The following MYO5C variants were observed in gnomAD, a reference collection of about 807,000 sequenced individuals.
The protein encoded by MYO5C is myosin VC, also known as unconventional myosin-Vc.
In MYO5C, 194 loss-of-function variants were observed where a neutral mutation model predicts 235.7. The observed-to-expected ratio is 0.82, with a 90% CI of 0.73 to 0.93. MYO5C has a LOEUF of 0.93. Among genes scored for constraint, MYO5C ranks in the 40% least tolerant of loss-of-function variants. MYO5C has a pLI of 0.00. For missense variants in MYO5C, 2,038 were observed against 2,127.2 expected (o/e 0.96, Z 0.82); for synonymous variants, 707 against 754.8 (o/e 0.94, Z 1.04).
chr15:52,266,412 G>A (rs1236710951), intron 8 of MYO5C, among the ~76,000 whole-genome samples: 1 of 152,186 alleles, frequency 6.6e-6, no homozygotes, highest in Admixed American at 6.5e-5. Context: ...CACAGCAGAA[G>A]AGCAGAAGAA....
chr15:52,250,232 TTTTC>T (rs1186685239), intron 13 of MYO5C, among the ~76,000 whole-genome samples: 6 of 109,960 alleles, frequency 5.5e-5, no homozygotes, highest in Non-Finnish European at 6.8e-5. Flanking sequence ...TATCTTTTTT[TTTTC>T]TTTTTCTTTT....
intron 21 of MYO5C, among the ~76,000 whole-genome samples, chr15:52,238,635 C>A (rs1024679769): frequency 6.6e-6 from 1 of 152,124 alleles, no homozygotes; most frequent in African/African-American, 2.4e-5. Context: ...CTTTTCTTTT[C>A]TTTTCTTTTT....
At chr15:52,223,898 T>C (rs2035759109) in intron 28 of MYO5C, among the ~76,000 whole-genome samples, 174 bp from the exon 29 acceptor site, 2 of 152,236 alleles carry the variant, frequency 1.3e-5, no homozygotes, top group South Asian at 4.1e-4. Flanking sequence ...TAAAATCTTC[T>C]AGCTAGTTAG....
At chr15:52,233,278 CAA>C (rs1192361967) in intron 23 of MYO5C, among the ~76,000 whole-genome samples, 330 of 4,170 alleles carry the variant, frequency 0.079, 46 homozygotes, top group African/African-American at 0.12. Flanking sequence ...GACTCCGTCT[CAA>C]AAAAAAAAAA....
chr15:52,199,546 C>T (rs2035136410), intron 38 of MYO5C, among the ~76,000 whole-genome samples: 1 of 142,890 alleles, frequency 7.0e-6, no homozygotes. Flanking sequence ...ATTCACTGGC[C>T]TCTACTCGCC....
Position 52,295,713 on chromosome 15 carries a change from G to A in MYO5C, c.-77C>T, listed in dbSNP as rs1461501921. On this transcript the variant is annotated 5_prime_UTR_variant, in exon 1 of 41. Coordinates refer to ENST00000261839, the MANE Select transcript of MYO5C (RefSeq NM_018728.4). ...GGGCTGGGCCTGCGCCGCAGAGGCC[G>A]GGCGCAGGAGAGACCGCCGCGGAAA... The A allele has an allele frequency of 4.8e-6, 5 of 1,046,382 alleles. No homozygotes were observed. The highest frequency in any genetic ancestry group is 6.3e-6 in the Non-Finnish European group (5 of 787,594). The allele number at this position is 1,046,382 out of a possible 1,614,324, so 64.8% of individuals were successfully genotyped here.
chr15:52,242,352 GT>G, intron 19 of MYO5C, 139 bp from the exon 20 acceptor site: 1 of 937,594 alleles, frequency 1.1e-6, no homozygotes, highest in Non-Finnish European at 1.6e-6. Flanking sequence ...TCTGTGGGCA[GT>G]TTATTCTAAT....
chr15:52,285,608 C>G (rs1038677368), intron 1 of MYO5C, among the ~76,000 whole-genome samples: 7 of 152,200 alleles, frequency 4.6e-5, no homozygotes, highest in Admixed American at 2.6e-4. Context: ...CTCAGCCTGC[C>G]GAGTGGCGCG....
intron 2 of MYO5C, among the ~76,000 whole-genome samples, chr15:52,280,436 T>C (rs2037142028): frequency 6.6e-6 from 1 of 152,268 alleles, no homozygotes; most frequent in African/African-American, 2.4e-5. Context: ...GCATGCCCCG[T>C]GGCATCTGTG....
intron 8 of MYO5C, among the ~76,000 whole-genome samples, chr15:52,269,128 C>T (rs371496230): frequency 1.3e-5 from 2 of 152,182 alleles, no homozygotes; most frequent in African/African-American, 2.4e-5. Context: ...ACTTCTGAAC[C>T]GAATTGGACC....
chr15:52,242,058 C>T lies in MYO5C; in HGVS notation c.2546G>A (p.Arg849Lys), dbSNP rs754711630. ...AGAGGTTGGCCTCACCTTTCGATAC[C>T]TCCTCCTTGCCAGGAATCCTCGGCT... Reference protein sequence around the residue: ...AYSRGFLARRRYRKMLEEHKA... With the variant: ...AYSRGFLARRKYRKMLEEHKA... The change falls in exon 20 of 41, where the codon AGG becomes AAG. Residue 849 changes from arginine to lysine, a missense_variant. By Grantham distance (26) the Arg-to-Lys change is conservative. Coordinates refer to ENST00000261839, the MANE Select transcript of MYO5C (RefSeq NM_018728.4). The T allele has an allele frequency of 5.0e-6, 8 of 1,611,198 alleles. No homozygotes were observed. The East Asian group carries it at 1.8e-4, about 36-fold the overall frequency.
chr15:52,256,504 G>C, intron 11 of MYO5C, 135 bp downstream of exon 11: 1 of 618,468 alleles, frequency 1.6e-6, no homozygotes, highest in Non-Finnish European at 2.9e-6. Flanking sequence ...GTGACCCAGC[G>C]TGAGGCTCCT....
chr15:52,254,784 T>C (rs896025426), intron 11 of MYO5C, among the ~76,000 whole-genome samples: 1 of 152,074 alleles, frequency 6.6e-6, no homozygotes, highest in Non-Finnish European at 1.5e-5. Flanking sequence ...AGTGTCACTT[T>C]GAGGTTAAGG....
At chr15:52,220,393 C>T (rs2035648988) in intron 30 of MYO5C, among the ~76,000 whole-genome samples, 2 of 152,080 alleles carry the variant, frequency 1.3e-5, no homozygotes, top group African/African-American at 4.8e-5. Context: ...CACTCTGTCA[C>T]CCAGGCTGGA....
intron 7 of MYO5C, among the ~76,000 whole-genome samples, chr15:52,270,616 G>A (rs1368523044): frequency 2.0e-5 from 3 of 147,996 alleles, no homozygotes; most frequent in Non-Finnish European, 4.5e-5. Context: ...ATTTATATAT[G>A]TATATATAAA....
rs1351733926 is a variant in MYO5C at position 52,256,720 on chromosome 15, A to C, written c.1314T>G (p.Gly438=). 6.2e-7 allele frequency: 1 copy of C among 1,609,516 alleles called. No individual in the cohort carries two copies. Among genetic ancestry groups the C allele is most frequent in the African/African-American group, 1.3e-5 (1 of 74,798 alleles). The change falls in exon 11 of 41, where the codon GGT becomes GGG. Residue 438 remains glycine (G), a splice_region_variant and synonymous_variant. Coordinates refer to ENST00000261839, the MANE Select transcript of MYO5C (RefSeq NM_018728.4). ...AGCTGTTCACATCAAAGGTTTCAAA[A>C]CTGAAATACAATTTAAACAAGTTAA... ...HTFIGVLDIY[G]FETFDVNSFE...
intron 13 of MYO5C, among the ~76,000 whole-genome samples, chr15:52,249,795 C>T (rs2036434260): frequency 6.6e-6 from 1 of 152,200 alleles, no homozygotes; most frequent in South Asian, 2.1e-4. Context: ...CTGTTGGGGA[C>T]TCTGGGACCA....
chr15:52,278,513 A>G (rs1309184479), intron 4 of MYO5C, among the ~76,000 whole-genome samples: 3 of 151,860 alleles, frequency 2.0e-5, no homozygotes, highest in Non-Finnish European at 4.4e-5. Flanking sequence ...AAACCCTGTC[A>G]TCAGATCCTA....
At chr15:52,284,271 T>C (rs186070540) in intron 1 of MYO5C, among the ~76,000 whole-genome samples, 40 of 150,934 alleles carry the variant, frequency 2.7e-4, no homozygotes, top group Admixed American at 7.9e-4. Context: ...ATAAAAGGAA[T>C]GAACTACTGA....
Sources: gnomAD v4.1 joint callset for allele counts (sites outside exome capture counted in the v4.1 genomes callset) on GRCh38, gnomAD v4.1.1 for gene constraint, MANE v1.5 for transcripts, NCBI Gene and HGNC (gene_info 2026-07-23, HGNC 2026-07-21) for gene names.